The following SLC24A3 variants were observed in gnomAD, a reference collection of about 807,000 sequenced individuals.
SLC24A3 encodes the protein solute carrier family 24 member 3, also known as sodium/potassium/calcium exchanger 3.
A neutral mutation model predicts 75.8 loss-of-function variants in SLC24A3; 28 were observed. That is an observed-to-expected ratio of 0.37 (90% CI 0.27 to 0.51). The LOEUF (loss-of-function observed/expected upper bound fraction) is 0.51. Among genes scored for constraint, SLC24A3 ranks in the 20% least tolerant of loss-of-function variants. The pLI is 0.94. For missense variants in SLC24A3, 663 were observed against 847.8 expected, an observed-to-expected ratio of 0.78 and a Z score of 2.71; for synonymous variants, 372 against 334.1, an observed-to-expected ratio of 1.11 and a Z score of -1.24.
At chr20:19,446,161 G>A (rs951681918) in intron 2 of SLC24A3, among the ~76,000 whole-genome samples, 1 of 152,188 alleles carries the variant, frequency 6.6e-6, no homozygotes, top group African/African-American at 2.4e-5. Flanking sequence ...TTCAGGAAGG[G>A]AAAGGCTGTA....
intron 2 of SLC24A3, among the ~76,000 whole-genome samples, chr20:19,465,450 G>A (rs558842451): frequency 6.0e-5 from 9 of 150,248 alleles, no homozygotes; most frequent in African/African-American, 9.8e-5. Flanking sequence ...CTTTCACGTG[G>A]TTTGCTAGAA....
chr20:19,640,990 A>G (rs942592486), intron 6 of SLC24A3, among the ~76,000 whole-genome samples: 1 of 152,212 alleles, frequency 6.6e-6, no homozygotes, highest in African/African-American at 2.4e-5. Flanking sequence ...TTTGAAGGAA[A>G]ACATATTTAA....
At chr20:19,291,386 G>A (rs563424912) in intron 2 of SLC24A3, among the ~76,000 whole-genome samples, 6 of 152,200 alleles carry the variant, frequency 3.9e-5, no homozygotes, top group East Asian at 1.9e-4. Flanking sequence ...CAGTGAGTGC[G>A]CTTTGGTTTG....
intron 2 of SLC24A3, among the ~76,000 whole-genome samples, chr20:19,298,116 T>G (rs1984102023): frequency 1.3e-5 from 2 of 152,234 alleles, no homozygotes; most frequent in South Asian, 2.1e-4. Flanking sequence ...GCCAGCAGCC[T>G]CTTCATTACA....
At chr20:19,542,708 C>A (rs1237810919) in intron 3 of SLC24A3, among the ~76,000 whole-genome samples, 1 of 152,128 alleles carries the variant, frequency 6.6e-6, no homozygotes, top group African/African-American at 2.4e-5. Flanking sequence ...AAGGAATGTA[C>A]CCAAGAGATT....
intron 2 of SLC24A3, among the ~76,000 whole-genome samples, chr20:19,483,245 C>T (rs954998748): frequency 3.3e-5 from 5 of 152,186 alleles, no homozygotes; most frequent in Admixed American, 6.5e-5. Flanking sequence ...CCCACCCTAT[C>T]CCTGGGGAAG....
rs529608573 is a variant in SLC24A3 at position 19,415,393 on chromosome 20, A to G, written c.272-100095A>G. On this transcript the variant is annotated intron_variant, in intron 2 of 16. Coordinates refer to ENST00000328041, the MANE Select transcript of SLC24A3 (RefSeq NM_020689.4). ...CTGAATGACAGAAGCCACCTCACCA[A>G]AGTGAGGCAGAACTTTATTACAAAC... Among the ~76,000 whole-genome samples, 297 of 152,302 alleles carry G rather than the reference A, an allele frequency of 2.0e-3. 3 individuals are homozygous for G. The highest frequency in any genetic ancestry group is 4.0e-3 in the Non-Finnish European group (271 of 68,018).
intron 2 of SLC24A3, among the ~76,000 whole-genome samples, chr20:19,354,094 A>G (rs998750051): frequency 5.9e-5 from 9 of 152,254 alleles, no homozygotes; most frequent in African/African-American, 9.6e-5. Flanking sequence ...AGGCACATCC[A>G]TGCAATGGAA....
chr20:19,509,610 G>A (rs73130636), intron 2 of SLC24A3, among the ~76,000 whole-genome samples: 3 of 152,240 alleles, frequency 2.0e-5, no homozygotes, highest in African/African-American at 7.2e-5. Context: ...AGCTGTTGCA[G>A]TCTCCAGGAG....
At chr20:19,683,607 C>T (rs1450132342) in intron 10 of SLC24A3, among the ~76,000 whole-genome samples, 3 of 152,206 alleles carry the variant, frequency 2.0e-5, no homozygotes, top group African/African-American at 7.2e-5. Context: ...ACTGCACTAA[C>T]GTCAATTCAG....
intron 3 of SLC24A3, among the ~76,000 whole-genome samples, chr20:19,535,839 T>G (rs778887321): frequency 1.3e-5 from 2 of 152,142 alleles, no homozygotes; most frequent in Non-Finnish European, 2.9e-5. Context: ...AATAGAAATT[T>G]GTTAATCATG....
At chr20:19,250,155 G>A (rs139073943) in intron 1 of SLC24A3, among the ~76,000 whole-genome samples, 7 of 152,306 alleles carry the variant, frequency 4.6e-5, no homozygotes, top group African/African-American at 1.7e-4. Context: ...ATATTTGCTG[G>A]CAATTTCCAG....
intron 2 of SLC24A3, among the ~76,000 whole-genome samples, chr20:19,480,270 A>G (rs1340356881): frequency 3.9e-5 from 6 of 152,152 alleles, no homozygotes; most frequent in Admixed American, 3.9e-4. Context: ...AAGAGAAGTC[A>G]TTTCACCTCT....
chr20:19,675,824 T>G (rs956186735), intron 9 of SLC24A3, among the ~76,000 whole-genome samples: 12 of 152,332 alleles, frequency 7.9e-5, no homozygotes, highest in African/African-American at 2.6e-4. Context: ...ACCCATCTTA[T>G]GCCTCTTTGT....
At chr20:19,686,601 G>A (rs906164464) in intron 12 of SLC24A3, among the ~76,000 whole-genome samples, 3 of 152,190 alleles carry the variant, frequency 2.0e-5, no homozygotes, top group African/African-American at 4.8e-5. Flanking sequence ...TGACTTGAAA[G>A]CCCATTTAAT....
rs534455643 is a variant in SLC24A3 at position 19,512,947 on chromosome 20, C to T, written c.272-2541C>T. Among the ~76,000 whole-genome samples, 11 of 152,318 alleles carry T rather than the reference C, an allele frequency of 7.2e-5. No individual in the cohort carries two copies. The East Asian group carries it at 2.1e-3, about 29-fold the overall frequency. On this transcript the variant is annotated intron_variant, in intron 2 of 16. Transcript: ENST00000328041. The stretch of plus-strand genomic sequence containing the variant: ...GCACTGCCCCAGGGCATATGACTGG[C>T]TTGTTTCCCATGGGTGATGGCTGTT...
At chr20:19,293,115 TG>T (rs139857555) in intron 2 of SLC24A3, among the ~76,000 whole-genome samples, 3,017 of 152,218 alleles carry the variant, frequency 0.02, 37 homozygotes, top group African/African-American at 0.03. Context: ...ACCATTGAGG[TG>T]GGAGGCTGCC....
chr20:19,300,742 G>T (rs938271955), intron 2 of SLC24A3, among the ~76,000 whole-genome samples: 1 of 152,058 alleles, frequency 6.6e-6, no homozygotes, highest in African/African-American at 2.4e-5. Context: ...GACAAGGAGG[G>T]GTGTCTCTCT....
At chr20:19,719,239 C>G (rs79801568) in intron 16 of SLC24A3, among the ~76,000 whole-genome samples, 1 of 151,892 alleles carries the variant, frequency 6.6e-6, no homozygotes, top group Non-Finnish European at 1.5e-5. Flanking sequence ...GATTGGAGAC[C>G]GTGGGCAGAC....
Sources: gnomAD v4.1 joint callset for allele counts (sites outside exome capture counted in the v4.1 genomes callset) on GRCh38, gnomAD v4.1.1 for gene constraint, MANE v1.5 for transcripts, NCBI Gene and HGNC (gene_info 2026-07-23, HGNC 2026-07-21) for gene names.